The following NCOR1 variants were observed in gnomAD, a reference collection of about 807,000 sequenced individuals.
NCOR1 encodes nuclear receptor corepressor 1.
Under a neutral mutation model 288.1 loss-of-function variants are expected in NCOR1, and 63 were observed. That is an observed-to-expected ratio of 0.22 (90% CI 0.18 to 0.27). NCOR1 has a LOEUF of 0.27. Ranked by LOEUF, NCOR1 falls within the 10% of genes least tolerant of loss-of-function variation. The pLI, the probability that NCOR1 is intolerant of heterozygous loss-of-function variation, is 1.00. For synonymous variants in NCOR1, 1,007 were observed against 1,065.9 expected (o/e 0.94, Z 1.08); for missense variants, 2,397 against 3,019.2 (o/e 0.79, Z 4.83).
intron 3 of NCOR1, 39 bp from the exon 4 acceptor site, chr17:16,172,034 A>C (rs758761225): frequency 2.0e-6 from 3 of 1,480,124 alleles, no homozygotes; most frequent in Non-Finnish European, 2.7e-6. Flanking sequence ...GAAAATTTGT[A>C]AGTGATGTAC....
At chr17:16,195,784 AGACT>A (rs2089647618) in intron 1 of NCOR1, among the ~76,000 whole-genome samples, 1 of 152,200 alleles carries the variant, frequency 6.6e-6, no homozygotes, top group South Asian at 2.1e-4. Flanking sequence ...CTGAATTTAC[AGACT>A]GACTAATGGG....
In NCOR1 at chr17:16,073,320, T is replaced by C. The variant is rs987528273; in HGVS notation, c.3811+109A>G. 7 of 972,374 alleles carry C rather than the reference T, an allele frequency of 7.2e-6. No individual in the cohort carries two copies. In the Middle Eastern group the frequency reaches 9.2e-4, roughly 128 times the overall value. The allele number at this position is 972,374 out of a possible 1,614,324, so 60.2% of individuals were successfully genotyped here. ...AATTGCATACAACTTAATATAAATA[T>C]ACATTTCAGGTGGAAATGACAGAAA... On this transcript the variant is annotated intron_variant, in intron 28 of 45. Transcript: ENST00000268712.
At chr17:16,110,412 G>A (rs1055041388) in intron 18 of NCOR1, among the ~76,000 whole-genome samples, 7 of 151,884 alleles carry the variant, frequency 4.6e-5, no homozygotes, top group African/African-American at 9.7e-5. Flanking sequence ...AAAAAAAATT[G>A]TATGCTCCCT....
rs878973147 is a variant in NCOR1, at chr17:16,061,630, A to T, written c.5652T>A (p.Ser1884=). Residue 1884 remains serine (S), a synonymous_variant, in exon 37 of 46, where the codon TCT becomes TCA. Coordinates refer to ENST00000268712, the MANE Select transcript of NCOR1 (RefSeq NM_006311.4). ...GGGGCTTGCCACTTGGAAAGGCTGA[A>T]GAAGTGTATAAACACTGAACAGATC... ...EKRSVQCLYT[S]SAFPSGKPQP... The T allele has an allele frequency of 1.2e-6, 2 of 1,614,266 alleles. No homozygotes were observed. Among genetic ancestry groups the T allele is most frequent in the African/African-American group, 1.3e-5 (1 of 75,070 alleles).
chr17:16,176,138 G>C (rs2084129471), intron 3 of NCOR1, among the ~76,000 whole-genome samples: 1 of 152,066 alleles, frequency 6.6e-6, no homozygotes, highest in Non-Finnish European at 1.5e-5. Flanking sequence ...AGAATCACTT[G>C]AACCCAGGAA....
intron 23 of NCOR1, among the ~76,000 whole-genome samples, chr17:16,081,193 TG>T (rs1248858321): frequency 2.1e-5 from 3 of 145,328 alleles, no homozygotes; most frequent in African/African-American, 7.4e-5. Context: ...TCTTTTCTTT[TG>T]TTTTTTTTGT....
chr17:16,179,018 G>A (rs1055820447), intron 3 of NCOR1, among the ~76,000 whole-genome samples: 12 of 152,002 alleles, frequency 7.9e-5, no homozygotes, highest in Non-Finnish European at 1.2e-4. Flanking sequence ...CAGAAGAATC[G>A]TTTGAACATG....
chr17:16,114,390 T>C (rs902873842), intron 18 of NCOR1, among the ~76,000 whole-genome samples: 8 of 152,136 alleles, frequency 5.3e-5, no homozygotes, highest in South Asian at 2.1e-4. Context: ...CCACATCTCA[T>C]GTCTTCACAT....
chr17:16,148,689 A>AAC (rs1491006617), intron 9 of NCOR1, among the ~76,000 whole-genome samples: 1 of 148,698 alleles, frequency 6.7e-6, no homozygotes, highest in African/African-American at 2.5e-5. Flanking sequence ...AAAAAAAAAA[A>AAC]ACAACTCAAG....
intron 44 of NCOR1, among the ~76,000 whole-genome samples, chr17:16,035,702 C>T (rs907819139): frequency 5.9e-5 from 9 of 151,916 alleles, no homozygotes; most frequent in Non-Finnish European, 1.2e-4. Context: ...CCACCACACC[C>T]GGCTACTTTT....
chr17:16,150,490 A>G (rs1205882726), intron 8 of NCOR1, among the ~76,000 whole-genome samples: 1 of 152,234 alleles, frequency 6.6e-6, no homozygotes, highest in Non-Finnish European at 1.5e-5. Context: ...TTTTAAGTAT[A>G]CGTTACTCAA....
intron 7 of NCOR1, 98 bp from the exon 8 acceptor site, chr17:16,152,096 A>G: frequency 3.1e-6 from 2 of 652,424 alleles, no homozygotes; most frequent in South Asian, 3.0e-5. Context: ...GTAAAGTACT[A>G]ATGGATCTAC....
chr17:16,150,210 T>C (rs771260918), intron 8 of NCOR1, among the ~76,000 whole-genome samples: 3 of 151,992 alleles, frequency 2.0e-5, no homozygotes, highest in African/African-American at 7.3e-5. Context: ...CCAAGGCAAG[T>C]AGAAGTAATT....
At chr17:16,116,415 T>C (rs1440836560) in intron 18 of NCOR1, among the ~76,000 whole-genome samples, 1 of 152,230 alleles carries the variant, frequency 6.6e-6, no homozygotes, top group Non-Finnish European at 1.5e-5. Context: ...AGAAAATCTG[T>C]AATGAGAAGG....
At chr17:16,037,560 T>G (rs903773266) in intron 44 of NCOR1, among the ~76,000 whole-genome samples, 2 of 152,208 alleles carry the variant, frequency 1.3e-5, no homozygotes, top group South Asian at 2.1e-4. Context: ...ACATCAAGCC[T>G]TCTTTACTGG....
At chr17:16,104,975 A>G (rs1048265114) in intron 19 of NCOR1, among the ~76,000 whole-genome samples, 2 of 152,144 alleles carry the variant, frequency 1.3e-5, no homozygotes, top group Non-Finnish European at 2.9e-5. Flanking sequence ...AAGGCTCCTG[A>G]AGTCGGGGTT....
At chr17:16,164,941 A>G (rs2081716346) in intron 5 of NCOR1, 38 bp downstream of exon 5, 1 of 1,376,370 alleles carries the variant, frequency 7.3e-7, no homozygotes, top group South Asian at 1.5e-5. Context: ...AGGGAGACAA[A>G]CATACATTCT....
At chr17:16,214,553 A>AGC (rs2092395597) in intron 1 of NCOR1, among the ~76,000 whole-genome samples, 3 of 152,198 alleles carry the variant, frequency 2.0e-5, no homozygotes, top group African/African-American at 7.2e-5. Flanking sequence ...TCCAAGGTTA[A>AGC]CTCTGTGGAA....
chr17:16,037,534 A>G (rs949804957), intron 44 of NCOR1, among the ~76,000 whole-genome samples: 5 of 152,208 alleles, frequency 3.3e-5, no homozygotes, highest in African/African-American at 1.2e-4. Flanking sequence ...GTAATTAAGG[A>G]ACTGAAATTT....
Sources: allele counts gnomAD v4.1 joint callset (sites outside exome capture counted in the v4.1 genomes callset), GRCh38; gene constraint gnomAD v4.1.1; transcripts MANE v1.5; gene names NCBI Gene and HGNC (gene_info 2026-07-23, HGNC 2026-07-21).